Variants in UBE2D2 observed in about 807,000 individuals in gnomAD.
UBE2D2 encodes ubiquitin conjugating enzyme E2 D2, also known as ubiquitin-conjugating enzyme E2 D2.
In UBE2D2, 2 loss-of-function variants were observed where a neutral mutation model predicts 24.2. The ratio of observed to expected loss-of-function variants is 0.08; its 90% CI spans 0.03 to 0.26. The LOEUF (loss-of-function observed/expected upper bound fraction) is 0.26, where lower values mean the gene tolerates loss of function less well. Among genes scored for constraint, UBE2D2 ranks in the 10% least tolerant of loss-of-function variants. The probability of loss-of-function intolerance (pLI) is 1.00; values close to 1 mark genes in which losing one functional copy is unlikely to be tolerated. For synonymous variants in UBE2D2, 58 were observed against 56.5 expected (o/e 1.03, Z -0.12); for missense variants, 44 against 177.6 (o/e 0.25, Z 4.28).
intron 1 of UBE2D2, among the ~76,000 whole-genome samples, chr5:139,539,959 G>T (rs2126631631): frequency 6.7e-6 from 1 of 149,588 alleles, no homozygotes; most frequent in African/African-American, 2.5e-5. Flanking sequence ...CTTTCTTGTT[G>T]CCCAGGCTGG....
At chr5:139,590,779 C>CTTTTTTTTTTTTTTTTTTTT (rs1561513230) in intron 1 of UBE2D2, among the ~76,000 whole-genome samples, 4 of 55,994 alleles carry the variant, frequency 7.1e-5, no homozygotes, top group Non-Finnish European at 1.5e-4. Flanking sequence ...ATTTTCTCTT[C>CTTTTTTTTTTTTTTTTTTTT]TTCTTTTTTT....
intron 1 of UBE2D2, among the ~76,000 whole-genome samples, chr5:139,539,298 C>T (rs1752726780): frequency 6.6e-6 from 1 of 152,112 alleles, no homozygotes; most frequent in South Asian, 2.1e-4. Flanking sequence ...GCTAGGATTA[C>T]AGGCATGAGC....
intron 1 of UBE2D2, chr5:139,562,153 G>T (rs1178017637): frequency 1.5e-6 from 2 of 1,300,246 alleles, no homozygotes; most frequent in Non-Finnish European, 2.0e-6. Flanking sequence ...TTGGGGCCGA[G>T]GGGGGCGCTG....
At chr5:139,615,547 AT>A (rs1209033674) in intron 5 of UBE2D2, among the ~76,000 whole-genome samples, 1 of 152,204 alleles carries the variant, frequency 6.6e-6, no homozygotes, top group Non-Finnish European at 1.5e-5. Context: ...GTAGAGCACA[AT>A]TAACATCTCT....
intron 1 of UBE2D2, among the ~76,000 whole-genome samples, chr5:139,592,087 A>G (rs897944096): frequency 3.9e-5 from 6 of 152,170 alleles, no homozygotes; most frequent in African/African-American, 9.7e-5. Flanking sequence ...CTGTAATCCC[A>G]GCTACTCGGG....
intron 1 of UBE2D2, among the ~76,000 whole-genome samples, chr5:139,596,658 T>C (rs1753965699): frequency 6.6e-6 from 1 of 152,070 alleles, no homozygotes; most frequent in Admixed American, 6.5e-5. Flanking sequence ...TCCAGCACTT[T>C]GGGAGGCTGA....
chr5:139,595,871 GT>G (rs200898806), intron 1 of UBE2D2, among the ~76,000 whole-genome samples: 14 of 134,390 alleles, frequency 1.0e-4, no homozygotes, highest in East Asian at 4.3e-4. Context: ...TTTCTTGTGG[GT>G]TTTTTTTTTG....
At chr5:139,546,766 G>T (rs1010629048) in intron 1 of UBE2D2, among the ~76,000 whole-genome samples, 1 of 151,648 alleles carries the variant, frequency 6.6e-6, no homozygotes, top group Admixed American at 6.6e-5. Flanking sequence ...AATTACAGGC[G>T]TGAGCCACCG....
At chr5:139,587,155 G>A (rs529201607) in intron 1 of UBE2D2, among the ~76,000 whole-genome samples, 25 of 152,298 alleles carry the variant, frequency 1.6e-4, no homozygotes, top group African/African-American at 5.8e-4. Flanking sequence ...TCACGGAAGA[G>A]AACCGTAGAA....
chr5:139,579,578 C>T (rs1336047890), intron 1 of UBE2D2, among the ~76,000 whole-genome samples: 1 of 152,146 alleles, frequency 6.6e-6, no homozygotes, highest in African/African-American at 2.4e-5. Flanking sequence ...GCATGAACAA[C>T]TGTGTCCAGC....
chr5:139,541,687 C>G (rs1271487205), intron 1 of UBE2D2, among the ~76,000 whole-genome samples: 1 of 149,708 alleles, frequency 6.7e-6, no homozygotes, highest in Non-Finnish European at 1.5e-5. Flanking sequence ...GTGGGAGGAT[C>G]ATTTGACTCC....
chr5:139,615,547 A>G (rs1754405433), intron 5 of UBE2D2, among the ~76,000 whole-genome samples: 1 of 152,204 alleles, frequency 6.6e-6, no homozygotes, highest in Non-Finnish European at 1.5e-5. Context: ...GTAGAGCACA[A>G]TTAACATCTC....
chr5:139,556,831 C>T (rs374272918), upstream of UBE2D2, among the ~76,000 whole-genome samples: 1 of 151,270 alleles, frequency 6.6e-6, no homozygotes, highest in African/African-American at 2.4e-5. Flanking sequence ...TGAATAGTTC[C>T]ATACTTTTTT....
At chr5:139,617,211 A>C (rs1361356878) in intron 5 of UBE2D2, among the ~76,000 whole-genome samples, 2 of 152,038 alleles carry the variant, frequency 1.3e-5, no homozygotes, top group East Asian at 3.8e-4. Context: ...GATCTTTACA[A>C]ATATTGTGAA....
chr5:139,545,191 G>C (rs1162696023), intron 1 of UBE2D2, among the ~76,000 whole-genome samples: 1 of 151,960 alleles, frequency 6.6e-6, no homozygotes, highest in African/African-American at 2.4e-5. Context: ...ATTAATTATG[G>C]TAATCTAATT....
intron 1 of UBE2D2, chr5:139,562,451 A>T: frequency 7.8e-7 from 1 of 1,286,872 alleles, no homozygotes; most frequent in Non-Finnish European, 1.0e-6. Context: ...GAATCATTTT[A>T]TTCCTTGAGG....
intron 1 of UBE2D2, among the ~76,000 whole-genome samples, chr5:139,562,736 AAGG>A (rs1215774031): frequency 6.6e-6 from 1 of 152,186 alleles, no homozygotes; most frequent in Non-Finnish European, 1.5e-5. Context: ...AGTTATCAAT[AAGG>A]AGGTTTTCCT....
At chr5:139,567,091 A>G (rs900844686) in intron 1 of UBE2D2, among the ~76,000 whole-genome samples, 2 of 151,976 alleles carry the variant, frequency 1.3e-5, no homozygotes, top group African/African-American at 4.8e-5. Flanking sequence ...TTTATGTAAG[A>G]TTAAGTTTTC....
At chr5:139,554,544 A>G (rs966712051) in intron 1 of UBE2D2, among the ~76,000 whole-genome samples, 3 of 152,142 alleles carry the variant, frequency 2.0e-5, no homozygotes, top group Non-Finnish European at 4.4e-5. Flanking sequence ...CATTGTTTGA[A>G]TGTGTCATAA....
Sources: gnomAD v4.1 joint callset for allele counts (sites outside exome capture counted in the v4.1 genomes callset) on GRCh38, gnomAD v4.1.1 for gene constraint, MANE v1.5 for transcripts, NCBI Gene and HGNC (gene_info 2026-07-23, HGNC 2026-07-21) for gene names.